Variants in LARGE1 observed in about 807,000 individuals in gnomAD.
LARGE1 encodes LARGE xylosyl- and glucuronyltransferase 1.
LARGE1 carries 43 observed loss-of-function variants against 87.6 expected under a neutral mutation model. The observed-to-expected ratio is 0.49, with a 90% CI of 0.38 to 0.63. LARGE1 has a LOEUF of 0.63. Among genes scored for constraint, LARGE1 ranks in the 30% least tolerant of loss-of-function variants. The pLI, the probability that LARGE1 is intolerant of heterozygous loss-of-function variation, is 0.00. For synonymous variants in LARGE1, 434 were observed against 394.6 expected (o/e 1.10, Z -1.18); for missense variants, 802 against 1,000.2 (o/e 0.80, Z 2.67).
At chr22:33,511,554 T>C (rs949534105) in intron 6 of LARGE1, among the ~76,000 whole-genome samples, 1 of 152,162 alleles carries the variant, frequency 6.6e-6, no homozygotes, top group Non-Finnish European at 1.5e-5. Flanking sequence ...GTCTAGAGAA[T>C]GGACCCTTCC....
intron 6 of LARGE1, among the ~76,000 whole-genome samples, chr22:33,476,068 TCACAATTTGGC>T (rs1234106876): frequency 6.6e-6 from 1 of 152,248 alleles, no homozygotes; most frequent in Non-Finnish European, 1.5e-5. Flanking sequence ...CGTATCTTCC[TCACAATTTGGC>T]CACAAGGAAA....
chr22:33,776,714 G>T (rs143728953), intron 1 of LARGE1, among the ~76,000 whole-genome samples: 11 of 152,290 alleles, frequency 7.2e-5, no homozygotes, highest in African/African-American at 2.4e-4. Flanking sequence ...ATGCACTCTG[G>T]CATCCCTTAG....
intron 11 of LARGE1, among the ~76,000 whole-genome samples, chr22:33,197,924 A>T (rs1602078513): frequency 6.6e-6 from 1 of 151,346 alleles, no homozygotes; most frequent in East Asian, 1.9e-4. Context: ...AGACATATGG[A>T]TCAATGCCAC....
chr22:33,273,131 T>C lies in LARGE1; in HGVS notation c.*1296A>G, dbSNP rs1291850545. On this transcript the variant is annotated 3_prime_UTR_variant, in exon 15 of 15. Coordinates refer to ENST00000397394, the MANE Select transcript of LARGE1 (RefSeq NM_133642.5). ...TTAAATGCAGCTTTCGCTGGTCACATTGCAACTCAATACAAACAGCCCAGC... is the reference window on the plus strand; with the variant it reads ...TTAAATGCAGCTTTCGCTGGTCACACTGCAACTCAATACAAACAGCCCAGC... 6.1e-6 allele frequency: 2 copies of C among 329,502 alleles called. No individual in the cohort carries two copies. The highest frequency in any genetic ancestry group is 4.8e-5 in the East Asian group (1 of 21,018). 20.4% of individuals were successfully genotyped at this position (329,502 alleles called of 1,614,324 possible).
chr22:33,523,632 A>T (rs183931687), intron 6 of LARGE1, among the ~76,000 whole-genome samples: 39 of 150,846 alleles, frequency 2.6e-4, no homozygotes, highest in Non-Finnish European at 4.6e-4. Context: ...TAGAGGTTAC[A>T]CCTGCTTAAT....
chr22:33,705,574 T>G (rs1451698880), intron 2 of LARGE1, among the ~76,000 whole-genome samples: 2 of 152,226 alleles, frequency 1.3e-5, no homozygotes, highest in Non-Finnish European at 2.9e-5. Context: ...AGTGAAGTTA[T>G]GGAAAGCAAA....
chr22:33,428,796 G>T lies in LARGE1; in HGVS notation c.892+3365C>A, dbSNP rs560239597. Among the ~76,000 whole-genome samples the T allele has an allele frequency of 5.9e-3, 885 of 149,186 alleles. 4 individuals are homozygous for T. The highest frequency in any genetic ancestry group is 9.4e-3 in the Non-Finnish European group (630 of 67,028). Reference sequence around the variant, plus strand: ...AAAAAAAAAATTAGCCGGGCGTGGTGGTGGGCGCCTGTAGTCCCAGCTATT... The same window carrying T: ...AAAAAAAAAATTAGCCGGGCGTGGTTGTGGGCGCCTGTAGTCCCAGCTATT... On this transcript the variant is annotated intron_variant, in intron 7 of 14. Coordinates refer to ENST00000397394, the MANE Select transcript of LARGE1 (RefSeq NM_133642.5).
At chr22:33,640,595 C>T (rs1169069483) in intron 3 of LARGE1, among the ~76,000 whole-genome samples, 1 of 152,050 alleles carries the variant, frequency 6.6e-6, no homozygotes, top group Non-Finnish European at 1.5e-5. Context: ...ATCGTTCACT[C>T]CCCTGGAAAG....
At chr22:33,121,210 T>C in the LARGE1 span, among the ~76,000 whole-genome samples, 1 of 152,156 alleles carries the variant, frequency 6.6e-6, no homozygotes, top group African/African-American at 2.4e-5. Context: ...AACAGAGCAG[T>C]GGTGGGCACA....
intron 6 of LARGE1, among the ~76,000 whole-genome samples, chr22:33,453,572 G>A (rs1424929142): frequency 6.6e-6 from 1 of 152,134 alleles, no homozygotes; most frequent in East Asian, 1.9e-4. Flanking sequence ...TGAGATAATG[G>A]TTCACTCTTA....
intron 6 of LARGE1, among the ~76,000 whole-genome samples, chr22:33,501,341 T>TGG (rs1486732369): frequency 6.6e-6 from 1 of 151,970 alleles, no homozygotes; most frequent in Non-Finnish European, 1.5e-5. Context: ...GACGCTGACT[T>TGG]GGGGAGAGGA....
intron 11 of LARGE1, among the ~76,000 whole-genome samples, chr22:33,264,386 T>C (rs1927809678): frequency 6.6e-6 from 1 of 152,224 alleles, no homozygotes; most frequent in South Asian, 2.1e-4. Context: ...ATTAGGTTTG[T>C]AGTGGCTCAC....
intron 11 of LARGE1, among the ~76,000 whole-genome samples, chr22:33,183,183 C>T (rs1280820116): frequency 6.6e-6 from 1 of 151,934 alleles, no homozygotes; most frequent in Non-Finnish European, 1.5e-5. Flanking sequence ...ACTGAACAGA[C>T]ATTTTTTCAA....
intron 2 of LARGE1, among the ~76,000 whole-genome samples, chr22:33,758,526 C>A (rs1009115744): frequency 2.0e-5 from 3 of 152,194 alleles, no homozygotes; most frequent in African/African-American, 7.2e-5. Flanking sequence ...GTGTGGGGTT[C>A]ATTCTAAAGG....
chr22:33,913,945 A>G (rs1044825996), intron 1 of LARGE1, among the ~76,000 whole-genome samples: 3 of 152,200 alleles, frequency 2.0e-5, no homozygotes, highest in African/African-American at 7.2e-5. Context: ...GGAATTAGCT[A>G]TTAAAAGGAG....
intron 1 of LARGE1, among the ~76,000 whole-genome samples, chr22:33,762,886 T>C (rs891866890): frequency 6.6e-6 from 1 of 152,230 alleles, no homozygotes; most frequent in African/African-American, 2.4e-5. Flanking sequence ...TAAACCCACA[T>C]GGTGCTTCCC....
chr22:33,251,575 A>G (rs1927010156), intron 11 of LARGE1, among the ~76,000 whole-genome samples: 2 of 152,228 alleles, frequency 1.3e-5, no homozygotes, highest in Non-Finnish European at 2.9e-5. Context: ...AAACTTATCA[A>G]TAGCAACTCT....
At chr22:33,599,775 G>C (rs2148958054) in intron 5 of LARGE1, among the ~76,000 whole-genome samples, 1 of 152,328 alleles carries the variant, frequency 6.6e-6, no homozygotes, top group African/African-American at 2.4e-5. Context: ...GCTGTATCAA[G>C]GGAGGCCGTC....
intron 13 of LARGE1, among the ~76,000 whole-genome samples, chr22:33,282,464 C>A (rs971248159): frequency 6.6e-6 from 1 of 152,218 alleles, no homozygotes; most frequent in Non-Finnish European, 1.5e-5. Context: ...CACCTACTTT[C>A]CCCTGGATCA....
Sources: gnomAD v4.1 joint callset for allele counts (sites outside exome capture counted in the v4.1 genomes callset) on GRCh38, gnomAD v4.1.1 for gene constraint, MANE v1.5 for transcripts, NCBI Gene and HGNC (gene_info 2026-07-23, HGNC 2026-07-21) for gene names.